ARID1B: variants seen among roughly 807,000 people sequenced by gnomAD.
The protein encoded by ARID1B is AT-rich interaction domain 1B.
A neutral mutation model predicts 212.3 loss-of-function variants in ARID1B; 30 were observed. That is an observed-to-expected ratio of 0.14 (90% CI 0.11 to 0.19). ARID1B has a LOEUF of 0.19. ARID1B is among the 10% of genes least tolerant of loss of function. The pLI is 1.00. For synonymous variants in ARID1B, 1,402 were observed against 1,301.7 expected, an observed-to-expected ratio of 1.08 and a Z score of -1.66; for missense variants, 2,891 against 3,204.0, an observed-to-expected ratio of 0.90 and a Z score of 2.36.
At chr6:156,843,145 A>G (rs1784011412) in intron 2 of ARID1B, among the ~76,000 whole-genome samples, 1 of 152,166 alleles carries the variant, frequency 6.6e-6, no homozygotes, top group Non-Finnish European at 1.5e-5. Context: ...TTTTCTGAAG[A>G]ACAGGCCTGT....
intron 2 of ARID1B, among the ~76,000 whole-genome samples, chr6:156,837,355 A>AGGC (rs1783582211): frequency 6.6e-6 from 1 of 152,232 alleles, no homozygotes; most frequent in African/African-American, 2.4e-5. Flanking sequence ...AGTAGTTCTG[A>AGGC]AAACAAGTAT....
rs1562494750 is a variant in ARID1B at position 156,934,934 on chromosome 6, AT to A, written c.2137-531del. On this transcript the variant is annotated intron_variant, in intron 3 of 19. Transcript: ENST00000636930. ...TAATTATATATATATATATATATATATATATATATATATATATATATATATA... is the reference window on the plus strand; with the variant it reads ...TAATTATATATATATATATATATATAATATATATATATATATATATATATA... 3.7e-3 allele frequency among the ~76,000 whole-genome samples: 300 copies of A among 80,914 alleles called. 11 individuals are homozygous for A. The highest frequency in any genetic ancestry group is 6.0e-3 in the African/African-American group (138 of 23,162). The allele number at this position is 80,914 out of a possible 152,430, so 53.1% of individuals were successfully genotyped here. A position where few individuals can be genotyped will look rare whatever the true frequency, so the allele number is the denominator to read the frequency against.
At chr6:156,934,327 C>G (rs1032653186) in intron 3 of ARID1B, among the ~76,000 whole-genome samples, 2 of 150,592 alleles carry the variant, frequency 1.3e-5, no homozygotes, top group African/African-American at 4.9e-5. Context: ...AGCTAGAGAT[C>G]TGGTATACAG....
At position 156,779,102 on chromosome 6, in the gene ARID1B, C is replaced by T. The variant is rs1440588207; in HGVS notation, c.1422C>T (p.Ser474=). The T allele has an allele frequency of 8.1e-7, 1 of 1,231,970 alleles. No individual in the cohort carries two copies. The highest frequency in any genetic ancestry group is 1.0e-6 in the Non-Finnish European group (1 of 988,978). 76.3% of individuals were successfully genotyped at this position (1,231,970 alleles called of 1,614,324 possible). ...GPGGGGAASL[S]KAAAGSAAGG... is the part of the protein sequence containing the mutation. ...GGGGCGGCGGGGCCGCGAGCCTCAGCAAGGCGGCCGCCGGCTCGGCGGCGG... is the reference window on the plus strand; with the variant it reads ...GGGGCGGCGGGGCCGCGAGCCTCAGTAAGGCGGCCGCCGGCTCGGCGGCGG... Residue 474 remains serine (S), a synonymous_variant, in exon 1 of 20, where the codon AGC becomes AGT. Transcript: ENST00000636930.
At chr6:156,981,202 C>T (rs1348790383) in intron 4 of ARID1B, among the ~76,000 whole-genome samples, 1 of 152,186 alleles carries the variant, frequency 6.6e-6, no homozygotes, top group Non-Finnish European at 1.5e-5. Context: ...GTCCACATGA[C>T]CTGTGGGCAG....
chr6:157,006,717 G>A (rs1163773873), intron 4 of ARID1B, among the ~76,000 whole-genome samples: 2 of 152,180 alleles, frequency 1.3e-5, no homozygotes, highest in Admixed American at 6.5e-5. Context: ...AGACCAGAGA[G>A]GAGCCTGCAC....
At chr6:156,907,905 CAAAAAA>C (rs1210631219) in intron 3 of ARID1B, among the ~76,000 whole-genome samples, 2 of 74,454 alleles carry the variant, frequency 2.7e-5, no homozygotes, top group Non-Finnish European at 5.7e-5. Flanking sequence ...AAGACTGTCT[CAAAAAA>C]AAAAAAAAAA....
intron 1 of ARID1B, among the ~76,000 whole-genome samples, chr6:156,826,447 C>T (rs1782745070): frequency 1.3e-5 from 2 of 152,236 alleles, no homozygotes; most frequent in Admixed American, 6.5e-5. Flanking sequence ...CATGGAGGCT[C>T]GTTCATCCTT....
intron 8 of ARID1B, among the ~76,000 whole-genome samples, chr6:157,161,421 TTG>T (rs527696446): frequency 1.4e-3 from 184 of 135,822 alleles, no homozygotes; most frequent in Non-Finnish European, 1.5e-3. Context: ...TCTGTTTTGA[TTG>T]TGTGTGTGTA....
chr6:157,044,150 T>C (rs1287351731), intron 4 of ARID1B, among the ~76,000 whole-genome samples: 1 of 152,252 alleles, frequency 6.6e-6, no homozygotes, highest in Non-Finnish European at 1.5e-5. Context: ...ATTGAATCTA[T>C]TTATTGTATT....
At chr6:156,834,168 TA>T (rs1783337062) in intron 2 of ARID1B, among the ~76,000 whole-genome samples, 1 of 152,228 alleles carries the variant, frequency 6.6e-6, no homozygotes, top group African/African-American at 2.4e-5. Flanking sequence ...GTTTAAGACT[TA>T]AAAATTCCAG....
rs55654545 is a variant in ARID1B at position 156,980,484 on chromosome 6, AAAAACAAAAC to A, written c.2247+44923_2247+44932del. Among the ~76,000 whole-genome samples, 4 of 151,624 alleles carry A rather than the reference AAAAACAAAAC, an allele frequency of 2.6e-5. No individual in the cohort carries two copies. In the South Asian group the frequency reaches 6.3e-4, roughly 24 times the overall value. ...GGCGACAAGAGCCAACCTACATCTCAAAAACAAAACAAAACAAAACAAAATAAGAATCATT... is the reference window on the plus strand; with the variant it reads ...GGCGACAAGAGCCAACCTACATCTCAAAAACAAAACAAAATAAGAATCATT... On this transcript the variant is annotated intron_variant, in intron 4 of 19. Transcript: ENST00000636930.
intron 1 of ARID1B, among the ~76,000 whole-genome samples, chr6:156,791,196 T>C (rs1779985195): frequency 6.6e-6 from 1 of 152,208 alleles, no homozygotes; most frequent in African/African-American, 2.4e-5. Flanking sequence ...GAAGTTTTAT[T>C]CTTGGTGCAT....
At chr6:157,162,257 A>T (rs1480626713) in intron 8 of ARID1B, among the ~76,000 whole-genome samples, 1 of 152,248 alleles carries the variant, frequency 6.6e-6, no homozygotes, top group African/African-American at 2.4e-5. Context: ...ATTTAGAAAG[A>T]TGTGGGTACT....
At chr6:157,095,665 C>G (rs551752776) in intron 5 of ARID1B, among the ~76,000 whole-genome samples, 4 of 152,144 alleles carry the variant, frequency 2.6e-5, no homozygotes, top group Non-Finnish European at 5.9e-5. Context: ...TTCCCCTGAT[C>G]TTTCTAGAAC....
intron 4 of ARID1B, among the ~76,000 whole-genome samples, chr6:157,053,078 TATTGATTG>T (rs201539052): frequency 2.0e-5 from 3 of 151,378 alleles, no homozygotes; most frequent in African/African-American, 7.3e-5. Flanking sequence ...AGAATTATTT[TATTGATTG>T]ATTGATTGAT....
intron 4 of ARID1B, among the ~76,000 whole-genome samples, chr6:156,945,152 G>T (rs1443684750): frequency 7.2e-6 from 1 of 138,610 alleles, no homozygotes; most frequent in Non-Finnish European, 1.5e-5. Flanking sequence ...AGCCAGGATG[G>T]TCTTGATCTC....
intron 6 of ARID1B, among the ~76,000 whole-genome samples, chr6:157,112,054 G>A (rs1389915613): frequency 6.6e-6 from 1 of 152,110 alleles, no homozygotes; most frequent in Non-Finnish European, 1.5e-5. Flanking sequence ...TTTTGAGGTG[G>A]GAGAATCACC....
chr6:156,866,529 A>G (rs1785706048), intron 2 of ARID1B, among the ~76,000 whole-genome samples: 1 of 152,008 alleles, frequency 6.6e-6, no homozygotes, highest in Non-Finnish European at 1.5e-5. Context: ...GGTTTGTTTT[A>G]TAAAAATAAA....
Sources: allele counts gnomAD v4.1 joint callset (sites outside exome capture counted in the v4.1 genomes callset), GRCh38; gene constraint gnomAD v4.1.1; transcripts MANE v1.5; gene names NCBI Gene and HGNC (gene_info 2026-07-23, HGNC 2026-07-21).